NR3C2: variants seen among roughly 807,000 people sequenced by gnomAD.
NR3C2 encodes nuclear receptor subfamily 3 group C member 2, also known as mineralocorticoid receptor.
NR3C2 carries 15 observed loss-of-function variants against 86.4 expected under a neutral mutation model. The ratio of observed to expected loss-of-function variants is 0.17; its 90% CI spans 0.12 to 0.27. The LOEUF (loss-of-function observed/expected upper bound fraction) is 0.27. NR3C2 is among the 10% of genes least tolerant of loss of function. NR3C2 has a pLI of 1.00. For missense variants in NR3C2, 960 were observed against 1,195.6 expected, an observed-to-expected ratio of 0.80 and a Z score of 2.91; for synonymous variants, 458 against 450.5, an observed-to-expected ratio of 1.02 and a Z score of -0.21.
intron 3 of NR3C2, among the ~76,000 whole-genome samples, chr4:148,250,273 G>GA (rs1739514971): frequency 6.6e-6 from 1 of 152,170 alleles, no homozygotes; most frequent in East Asian, 1.9e-4. Flanking sequence ...AATATTACAT[G>GA]AAAAAACCAG....
chr4:148,323,494 A>T (rs1470852680), intron 2 of NR3C2, among the ~76,000 whole-genome samples: 6 of 148,688 alleles, frequency 4.0e-5, no homozygotes, highest in Non-Finnish European at 8.9e-5. Context: ...GCAGCCTTGC[A>T]GTTTGATCTC....
chr4:148,444,118 G>T (rs1750483475), upstream of NR3C2: 1 of 985,286 alleles, frequency 1.0e-6, no homozygotes, highest in Non-Finnish European at 1.2e-6. Flanking sequence ...GGCAGAGCGC[G>T]GGCGGCGGGC....
At chr4:148,398,142 A>G (rs1041613283) in intron 2 of NR3C2, among the ~76,000 whole-genome samples, 4 of 152,230 alleles carry the variant, frequency 2.6e-5, no homozygotes, top group African/African-American at 4.8e-5. Flanking sequence ...TTCTAAATTC[A>G]GGATTCCCTC....
At chr4:148,285,292 A>G (rs1372857761) in intron 2 of NR3C2, among the ~76,000 whole-genome samples, 1 of 152,244 alleles carries the variant, frequency 6.6e-6, no homozygotes, top group Non-Finnish European at 1.5e-5. Context: ...AAAGACAGGA[A>G]AAACTGGCTC....
chr4:148,290,132 T>C (rs1579112193), intron 2 of NR3C2, among the ~76,000 whole-genome samples: 1 of 152,188 alleles, frequency 6.6e-6, no homozygotes, highest in African/African-American at 2.4e-5. Context: ...GGCCTCTCTC[T>C]GTCTTCTTGA....
intron 4 of NR3C2, among the ~76,000 whole-genome samples, chr4:148,167,648 A>C (rs1734938524): frequency 1.3e-5 from 2 of 152,238 alleles, no homozygotes; most frequent in Admixed American, 1.3e-4. Flanking sequence ...GTAGGCACTA[A>C]ATAAGTGCTT....
rs116529949 is a variant in NR3C2 at position 148,286,024 on chromosome 4, T to A, written c.1758-25907A>T. 1.3e-3 allele frequency among the ~76,000 whole-genome samples: 191 copies of A among 152,340 alleles called. 1 individual carries two copies. Among genetic ancestry groups the A allele is most frequent in the African/African-American group, 4.3e-3 (178 of 41,590 alleles). ...TTAAAAACAAATGAAATTTTATACA[T>A]CATTTGTTTTGTAATTAACATATGA... On this transcript the variant is annotated intron_variant, in intron 2 of 8. Transcript: ENST00000358102.
chr4:148,348,326 T>G (rs1197936758), intron 2 of NR3C2, among the ~76,000 whole-genome samples: 1 of 152,134 alleles, frequency 6.6e-6, no homozygotes, highest in Non-Finnish European at 1.5e-5. Flanking sequence ...TAATTTACAC[T>G]ATGTGATTTA....
At chr4:148,218,707 T>G (rs1292236934) in intron 3 of NR3C2, among the ~76,000 whole-genome samples, 1 of 152,172 alleles carries the variant, frequency 6.6e-6, no homozygotes, top group African/African-American at 2.4e-5. Flanking sequence ...ACTACTAATC[T>G]AGTTTCTGTC....
intron 8 of NR3C2, among the ~76,000 whole-genome samples, chr4:148,097,751 G>GTTTTTTTTTTTTTT (rs553156519): frequency 9.7e-6 from 1 of 102,912 alleles, no homozygotes; most frequent in African/African-American, 5.4e-5. Flanking sequence ...GTTTTTTTTT[G>GTTTTTTTTTTTTTT]TTTTTTTTTT....
At chr4:148,273,522 G>T (rs1011801901) in intron 2 of NR3C2, among the ~76,000 whole-genome samples, 3 of 151,728 alleles carry the variant, frequency 2.0e-5, no homozygotes, top group African/African-American at 4.8e-5. Context: ...GGCATGTTGG[G>T]TTTTTTTTCT....
chr4:148,152,612 T>A lies in NR3C2; in HGVS notation c.2367A>T (p.Gly789=). ...QVVKWAKVLP[G]FKNLPLEDQI... ...GGTCCTCAAGAGGCAAGTTTTTAAA[T>A]CCTGAAGAACAAAACAATTAATCAC... The change falls in exon 6 of 9, where the codon GGA becomes GGT. Residue 789 remains glycine (G), a splice_region_variant and synonymous_variant. Coordinates refer to ENST00000358102, the MANE Select transcript of NR3C2 (RefSeq NM_000901.5). The A allele has an allele frequency of 6.2e-7, 1 of 1,613,796 alleles. No individual in the cohort carries two copies. Among genetic ancestry groups the A allele is most frequent in the Non-Finnish European group, 8.5e-7 (1 of 1,179,690 alleles).
intron 3 of NR3C2, among the ~76,000 whole-genome samples, chr4:148,205,836 G>C (rs1395320879): frequency 6.6e-6 from 1 of 152,158 alleles, no homozygotes; most frequent in Non-Finnish European, 1.5e-5. Flanking sequence ...TTTCTGGATG[G>C]AAAGGGAATT....
chr4:148,172,701 C>T (rs1417121652), intron 4 of NR3C2, among the ~76,000 whole-genome samples: 7 of 152,164 alleles, frequency 4.6e-5, no homozygotes, highest in Non-Finnish European at 7.3e-5. Context: ...TATTAAGCAT[C>T]TACTGTGCTA....
intron 2 of NR3C2, among the ~76,000 whole-genome samples, chr4:148,411,027 C>T (rs1356770357): frequency 1.3e-5 from 2 of 152,156 alleles, no homozygotes; most frequent in Non-Finnish European, 2.9e-5. Context: ...TTTGGGAGAC[C>T]TAAATTGCAG....
At chr4:148,144,730 C>A (rs1733785097) in intron 6 of NR3C2, among the ~76,000 whole-genome samples, 1 of 152,214 alleles carries the variant, frequency 6.6e-6, no homozygotes, top group Admixed American at 6.5e-5. Context: ...TCTGTCTAGC[C>A]TCCTTCAGGT....
chr4:148,089,220 G>C (rs1208119627), intron 8 of NR3C2, among the ~76,000 whole-genome samples: 1 of 152,214 alleles, frequency 6.6e-6, no homozygotes, highest in Non-Finnish European at 1.5e-5. Flanking sequence ...CTGTGTCACT[G>C]CCCTCAGTCT....
intron 2 of NR3C2, among the ~76,000 whole-genome samples, chr4:148,316,509 C>A (rs1005216966): frequency 5.3e-5 from 8 of 152,010 alleles, no homozygotes; most frequent in Non-Finnish European, 1.2e-4. Context: ...CCAACTGTTA[C>A]AGAATTTTGA....
rs535531127 is a variant in NR3C2 at position 148,174,024 on chromosome 4, G to A, written c.2015-19123C>T. Among the ~76,000 whole-genome samples the A allele has an allele frequency of 2.0e-5, 3 of 152,250 alleles. No individual in the cohort carries two copies. The South Asian group carries it at 6.2e-4, about 32-fold the overall frequency. On this transcript the variant is annotated intron_variant, in intron 4 of 8. Coordinates refer to ENST00000358102, the MANE Select transcript of NR3C2 (RefSeq NM_000901.5). ...TGGGTTGAAAACAAACTAGCATTGT[G>A]TTCACTGCTTTATGTTCAGTCATAG...
Sources: gnomAD v4.1 joint callset for allele counts (sites outside exome capture counted in the v4.1 genomes callset) on GRCh38, gnomAD v4.1.1 for gene constraint, MANE v1.5 for transcripts, NCBI Gene and HGNC (gene_info 2026-07-23, HGNC 2026-07-21) for gene names.